Variants in DACH1 observed in about 807,000 individuals in gnomAD.
DACH1 encodes the protein dachshund family transcription factor 1.
A neutral mutation model predicts 54.2 loss-of-function variants in DACH1; 12 were observed. That is an observed-to-expected ratio of 0.22 (90% confidence interval 0.14 to 0.36). DACH1 has a LOEUF of 0.36. Ranked by LOEUF, DACH1 falls within the 10% of genes least tolerant of loss-of-function variation. DACH1 has a pLI of 1.00. For synonymous variants in DACH1, 386 were observed against 366.2 expected (o/e 1.05, Z -0.62); for missense variants, 805 against 929.8 (o/e 0.87, Z 1.75).
chr13:71,452,208 C>T (rs900046841), intron 10 of DACH1, among the ~76,000 whole-genome samples: 3 of 152,146 alleles, frequency 2.0e-5, no homozygotes, highest in Admixed American at 1.3e-4. Flanking sequence ...CATCTCACTG[C>T]AACCTCCGCC....
At chr13:71,732,372 C>G (rs1272485624) in intron 1 of DACH1, among the ~76,000 whole-genome samples, 1 of 151,860 alleles carries the variant, frequency 6.6e-6, no homozygotes, top group Non-Finnish European at 1.5e-5. Flanking sequence ...ATCTCCTGAG[C>G]TCAGGAGTTC....
chr13:71,641,076 G>C (rs907502925), intron 2 of DACH1, among the ~76,000 whole-genome samples: 1 of 151,800 alleles, frequency 6.6e-6, no homozygotes, highest in Admixed American at 6.6e-5. Context: ...AAAAACAAAA[G>C]AGGTGGCTAT....
At chr13:71,457,683 C>A (rs988967944) in intron 10 of DACH1, among the ~76,000 whole-genome samples, 1 of 151,932 alleles carries the variant, frequency 6.6e-6, no homozygotes, top group African/African-American at 2.4e-5. Flanking sequence ...TTATTACTGT[C>A]TTTTCTTTGT....
At chr13:71,765,478 G>T (rs918338168) in intron 1 of DACH1, among the ~76,000 whole-genome samples, 1 of 152,134 alleles carries the variant, frequency 6.6e-6, no homozygotes, top group African/African-American at 2.4e-5. Context: ...CCCACAATGG[G>T]ATGCTAGAGT....
At chr13:71,730,622 T>C (rs1022488452) in intron 1 of DACH1, among the ~76,000 whole-genome samples, 4 of 152,192 alleles carry the variant, frequency 2.6e-5, no homozygotes, top group African/African-American at 9.7e-5. Context: ...TATATGTATA[T>C]GTGTGTACAG....
chr13:71,713,706 A>T (rs961133960), intron 1 of DACH1, among the ~76,000 whole-genome samples: 1 of 152,160 alleles, frequency 6.6e-6, no homozygotes, highest in Non-Finnish European at 1.5e-5. Flanking sequence ...CAGCATGATA[A>T]GCAATGTATT....
intron 1 of DACH1, among the ~76,000 whole-genome samples, chr13:71,766,496 T>G (rs1057209218): frequency 6.6e-6 from 1 of 152,166 alleles, no homozygotes; most frequent in Admixed American, 6.5e-5. Flanking sequence ...GTAACCTCCA[T>G]TAGCCCTGAT....
At chr13:71,837,058 C>T (rs1040964391) in intron 1 of DACH1, among the ~76,000 whole-genome samples, 1 of 151,576 alleles carries the variant, frequency 6.6e-6, no homozygotes, top group African/African-American at 2.4e-5. Flanking sequence ...CTAGTAGTAA[C>T]AGGAGAGAGT....
chr13:71,677,527 T>G (rs1006438778), intron 2 of DACH1, among the ~76,000 whole-genome samples: 1 of 152,092 alleles, frequency 6.6e-6, no homozygotes, highest in Non-Finnish European at 1.5e-5. Context: ...GTTTTTGTTT[T>G]TGTTTCAAGT....
intron 10 of DACH1, among the ~76,000 whole-genome samples, chr13:71,474,633 AT>A (rs1426936669): frequency 6.6e-6 from 1 of 152,194 alleles, no homozygotes; most frequent in Non-Finnish European, 1.5e-5. Context: ...ATTAAAGTGT[AT>A]ATAATGGCAT....
chr13:71,499,249 A>G, intron 6 of DACH1, among the ~76,000 whole-genome samples: 1 of 152,176 alleles, frequency 6.6e-6, no homozygotes. Context: ...GCTTAGGCTG[A>G]AAAGATTCAC....
rs143793940 is a variant in DACH1 at position 71,446,289 on chromosome 13, T to C, written c.2084-5597A>G. Among the ~76,000 whole-genome samples, 200 of 152,342 alleles carry C rather than the reference T, an allele frequency of 1.3e-3. 2 individuals carry two copies. The East Asian group carries it at 0.031, about 23-fold the overall frequency. ...CTGTATGTGTTTGACGCAGAAAAAA[T>C]ATATTTCCTGTTTGTTCCTCATGCT... is the stretch of plus-strand genomic sequence containing the variant. On this transcript the variant is annotated intron_variant, in intron 10 of 10. Coordinates refer to ENST00000613252, the MANE Select transcript of DACH1 (RefSeq NM_080759.6).
intron 1 of DACH1, among the ~76,000 whole-genome samples, chr13:71,748,906 T>TCTC (rs1555318093): frequency 1.4e-4 from 5 of 35,276 alleles, no homozygotes; most frequent in African/African-American, 3.0e-4. Context: ...TTCTCTTTCT[T>TCTC]TCTTTCTTTC....
intron 6 of DACH1, among the ~76,000 whole-genome samples, chr13:71,544,704 T>C (rs150629917): frequency 9.7e-4 from 148 of 152,238 alleles, no homozygotes; most frequent in Middle Eastern, 3.4e-3. Context: ...TGCAGTATGA[T>C]AGTCTTTGTG....
intron 1 of DACH1, among the ~76,000 whole-genome samples, chr13:71,709,826 A>G (rs1057148676): frequency 1.3e-5 from 2 of 152,142 alleles, no homozygotes; most frequent in Non-Finnish European, 2.9e-5. Context: ...ATTACTGTAT[A>G]AATAAATAAA....
intron 1 of DACH1, among the ~76,000 whole-genome samples, chr13:71,787,066 T>C (rs2138082193): frequency 6.6e-6 from 1 of 152,258 alleles, no homozygotes; most frequent in East Asian, 1.9e-4. Flanking sequence ...CACAAGAGCC[T>C]TTTTCTTCAA....
chr13:71,702,407 T>G (rs1038389687), intron 1 of DACH1, among the ~76,000 whole-genome samples: 2 of 152,208 alleles, frequency 1.3e-5, no homozygotes, highest in African/African-American at 4.8e-5. Flanking sequence ...TATAAACATC[T>G]ACCTTCAGTG....
At chr13:71,518,988 T>C (rs1298732592) in intron 6 of DACH1, among the ~76,000 whole-genome samples, 1 of 151,940 alleles carries the variant, frequency 6.6e-6, no homozygotes, top group Non-Finnish European at 1.5e-5. Context: ...AGAGTCCCAA[T>C]TGTTCATTTA....
At chr13:71,722,199 T>C (rs570081571) in intron 1 of DACH1, among the ~76,000 whole-genome samples, 1 of 152,310 alleles carries the variant, frequency 6.6e-6, no homozygotes, top group Admixed American at 6.5e-5. Context: ...ACAGACATTC[T>C]GGGTGATTTT....
Sources: allele counts gnomAD v4.1 joint callset (sites outside exome capture counted in the v4.1 genomes callset), GRCh38; gene constraint gnomAD v4.1.1; transcripts MANE v1.5; gene names NCBI Gene and HGNC (gene_info 2026-07-23, HGNC 2026-07-21).